The following CACNB4 variants were observed in gnomAD, a reference collection of about 807,000 sequenced individuals.
The protein encoded by CACNB4 is voltage-dependent L-type calcium channel subunit beta-4.
A neutral mutation model predicts 71.2 loss-of-function variants in CACNB4; 32 were observed. The ratio of observed to expected loss-of-function variants is 0.45; its 90% CI spans 0.34 to 0.60. CACNB4 has a LOEUF of 0.60. Ranked by LOEUF, CACNB4 falls within the 20% of genes least tolerant of loss-of-function variation. CACNB4 has a pLI of 0.01. For synonymous variants in CACNB4, 231 were observed against 236.9 expected, an observed-to-expected ratio of 0.97 and a Z score of 0.23; for missense variants, 464 against 647.9, an observed-to-expected ratio of 0.72 and a Z score of 3.08.
chr2:151,925,332 A>T (rs1014598680), intron 2 of CACNB4, among the ~76,000 whole-genome samples: 1 of 152,200 alleles, frequency 6.6e-6, no homozygotes, highest in Admixed American at 6.5e-5. Flanking sequence ...TATTTGGAGG[A>T]TGTACGTCCC....
At chr2:152,037,001 T>A (rs1029151122) in intron 2 of CACNB4, among the ~76,000 whole-genome samples, 1 of 152,226 alleles carries the variant, frequency 6.6e-6, no homozygotes, top group African/African-American at 2.4e-5. Context: ...AGAACTCTTA[T>A]TTGGGTGTTT....
intron 2 of CACNB4, among the ~76,000 whole-genome samples, chr2:152,073,200 T>C (rs1686796108): frequency 6.6e-6 from 1 of 152,044 alleles, no homozygotes; most frequent in Non-Finnish European, 1.5e-5. Flanking sequence ...GAGAATAAGG[T>C]CCAGGAGAGC....
At chr2:151,991,670 GAAAC>G (rs1001375715) in intron 2 of CACNB4, among the ~76,000 whole-genome samples, 9 of 152,166 alleles carry the variant, frequency 5.9e-5, no homozygotes, top group South Asian at 2.1e-4. Flanking sequence ...ATGACAATAA[GAAAC>G]AAACAATCTT....
chr2:151,958,155 A>G (rs1303328046), intron 2 of CACNB4, among the ~76,000 whole-genome samples: 27 of 152,210 alleles, frequency 1.8e-4, no homozygotes, highest in Non-Finnish European at 1.5e-5. Flanking sequence ...CATCTACCAC[A>G]TATAAGAAGT....
At chr2:152,091,381 A>T (rs955889421) in intron 2 of CACNB4, among the ~76,000 whole-genome samples, 1 of 152,234 alleles carries the variant, frequency 6.6e-6, no homozygotes, top group Non-Finnish European at 1.5e-5. Flanking sequence ...AACTTTGCAG[A>T]TGAAAATGAT....
chr2:151,981,090 C>T (rs1233106186), intron 2 of CACNB4, among the ~76,000 whole-genome samples: 1 of 152,026 alleles, frequency 6.6e-6, no homozygotes, highest in Admixed American at 6.5e-5. Flanking sequence ...ACCCCTCAGA[C>T]ATTAGCCAGT....
At chr2:152,056,360 C>CA (rs138908104) in intron 2 of CACNB4, among the ~76,000 whole-genome samples, 6,558 of 95,980 alleles carry the variant, frequency 0.068, 155 homozygotes, top group African/African-American at 0.075. Flanking sequence ...GACTCTGTCT[C>CA]AAAAAAAAAA....
intron 2 of CACNB4, among the ~76,000 whole-genome samples, chr2:151,886,275 A>G (rs1046736430): frequency 6.6e-6 from 1 of 152,178 alleles, no homozygotes; most frequent in Non-Finnish European, 1.5e-5. Flanking sequence ...GGAAGAAGGC[A>G]CTTGCCTGGT....
At chr2:151,999,226 C>T (rs1579100221) in intron 2 of CACNB4, among the ~76,000 whole-genome samples, 2 of 152,248 alleles carry the variant, frequency 1.3e-5, no homozygotes, top group African/African-American at 4.8e-5. Context: ...AACGGTGCTC[C>T]CCTTGGACAG....
chr2:152,016,180 T>C (rs1683334731), intron 2 of CACNB4, among the ~76,000 whole-genome samples: 1 of 152,234 alleles, frequency 6.6e-6, no homozygotes, highest in South Asian at 2.1e-4. Flanking sequence ...GGCTTGAGAT[T>C]CTCATTCAGA....
chr2:152,016,943 A>C (rs1683378510), intron 2 of CACNB4, among the ~76,000 whole-genome samples: 1 of 152,232 alleles, frequency 6.6e-6, no homozygotes, highest in African/African-American at 2.4e-5. Flanking sequence ...AATGAGGCAA[A>C]GAGAGTTTTC....
chr2:152,004,012 G>C (rs1374695099), intron 2 of CACNB4, among the ~76,000 whole-genome samples: 2 of 152,022 alleles, frequency 1.3e-5, no homozygotes, highest in African/African-American at 2.4e-5. Flanking sequence ...TCTGGTGACA[G>C]GATCTCGTTG....
At chr2:151,952,935 C>T (rs1382709456) in intron 2 of CACNB4, among the ~76,000 whole-genome samples, 1 of 152,170 alleles carries the variant, frequency 6.6e-6, no homozygotes, top group African/African-American at 2.4e-5. Context: ...GCACGGTCTT[C>T]AAGCGTTCAG....
At chr2:151,896,126 G>A (rs2099851994) in intron 2 of CACNB4, among the ~76,000 whole-genome samples, 1 of 152,156 alleles carries the variant, frequency 6.6e-6, no homozygotes, top group African/African-American at 2.4e-5. Flanking sequence ...GATTTCAGGG[G>A]TGAGACACCA....
chr2:152,026,823 C>T (rs1469150827), intron 2 of CACNB4, among the ~76,000 whole-genome samples: 2 of 152,202 alleles, frequency 1.3e-5, no homozygotes, highest in African/African-American at 4.8e-5. Flanking sequence ...TTACTGAGGT[C>T]ACCAATGGTA....
intron 2 of CACNB4, 92 bp from the exon 3 acceptor site, chr2:151,883,462 T>C (rs1378371677): frequency 2.3e-6 from 3 of 1,331,730 alleles, no homozygotes; most frequent in Non-Finnish European, 3.2e-6. Flanking sequence ...CTTTTTCATT[T>C]GCCTAAAATT....
chr2:151,955,892 G>C (rs2099868125), intron 2 of CACNB4, among the ~76,000 whole-genome samples: 1 of 149,562 alleles, frequency 6.7e-6, no homozygotes, highest in Admixed American at 6.7e-5. Context: ...AACAGAGCAA[G>C]GCACGGTCTC....
chr2:151,977,002 T>C (rs1449537357), intron 2 of CACNB4, among the ~76,000 whole-genome samples: 4 of 152,136 alleles, frequency 2.6e-5, no homozygotes, highest in South Asian at 2.1e-4. Context: ...AGCTGAATGA[T>C]GGTCAAGAAG....
At chr2:151,928,744 G>C (rs373465012) in intron 2 of CACNB4, among the ~76,000 whole-genome samples, 39 of 152,080 alleles carry the variant, frequency 2.6e-4, no homozygotes, top group African/African-American at 8.7e-4. Flanking sequence ...GGGCAACATG[G>C]TGAAACCCTG....
Sources: gnomAD v4.1 joint callset for allele counts (sites outside exome capture counted in the v4.1 genomes callset) on GRCh38, gnomAD v4.1.1 for gene constraint, MANE v1.5 for transcripts, NCBI Gene and HGNC (gene_info 2026-07-23, HGNC 2026-07-21) for gene names.